The following MYO16 variants were observed in gnomAD, a reference collection of about 807,000 sequenced individuals.
MYO16 encodes myosin XVI.
Under a neutral mutation model 205.3 loss-of-function variants are expected in MYO16, and 94 were observed. The ratio of observed to expected loss-of-function variants is 0.46; its 90% CI spans 0.39 to 0.54. MYO16 has a LOEUF of 0.54. Among genes scored for constraint, MYO16 ranks in the 20% least tolerant of loss-of-function variants. MYO16 has a pLI of 0.00. For missense variants in MYO16, 2,315 were observed against 2,387.5 expected (o/e 0.97, Z 0.63); for synonymous variants, 988 against 954.0 (o/e 1.04, Z -0.66).
the MYO16 span, among the ~76,000 whole-genome samples, chr13:108,547,002 G>A: frequency 6.6e-6 from 1 of 152,096 alleles, no homozygotes; most frequent in Non-Finnish European, 1.5e-5. Context: ...GCCGGGTACG[G>A]TGGCTCACCC....
At chr13:108,664,987 T>C (rs930666177) in intron 1 of MYO16, among the ~76,000 whole-genome samples, 1 of 152,224 alleles carries the variant, frequency 6.6e-6, no homozygotes, top group African/African-American at 2.4e-5. Context: ...TCAGTCTTTA[T>C]ACTTAACCAC....
the MYO16 span, among the ~76,000 whole-genome samples, chr13:108,584,234 G>A: frequency 9.2e-5 from 14 of 152,330 alleles, no homozygotes; most frequent in Middle Eastern, 3.4e-3. Flanking sequence ...TTACAGGCAT[G>A]AGGCACCGCA....
chr13:108,500,711 G>C, the MYO16 span, among the ~76,000 whole-genome samples: 1 of 152,142 alleles, frequency 6.6e-6, no homozygotes, highest in Non-Finnish European at 1.5e-5. Flanking sequence ...TGCCCTGCCA[G>C]GGCTAAGGGA....
chr13:108,667,204 A>G (rs1277572836), intron 2 of MYO16, among the ~76,000 whole-genome samples: 2 of 152,126 alleles, frequency 1.3e-5, no homozygotes, highest in Admixed American at 6.5e-5. Flanking sequence ...AAGAAAACCT[A>G]TAGCACATTA....
At chr13:108,739,797 T>G (rs1017290371) in intron 4 of MYO16, among the ~76,000 whole-genome samples, 2 of 152,250 alleles carry the variant, frequency 1.3e-5, no homozygotes, top group Non-Finnish European at 2.9e-5. Flanking sequence ...TTTGGTCTTT[T>G]CACATAGTCC....
chr13:108,555,689 A>C, the MYO16 span, among the ~76,000 whole-genome samples: 3 of 152,320 alleles, frequency 2.0e-5, no homozygotes, highest in South Asian at 6.2e-4. Context: ...GATCTGTTGA[A>C]CATATTCTAT....
chr13:108,594,968 A>G (rs76299518), upstream of MYO16, among the ~76,000 whole-genome samples: 1,234 of 152,234 alleles, frequency 8.1e-3, 13 homozygotes, highest in African/African-American at 0.029. Context: ...AGTTATGGAT[A>G]ACTTTTGCTG....
intron 27 of MYO16, among the ~76,000 whole-genome samples, chr13:109,077,008 T>TTTGG (rs35770594): frequency 7.0e-6 from 1 of 143,366 alleles, no homozygotes; most frequent in Non-Finnish European, 1.5e-5. Context: ...TTTTTTTTTT[T>TTTGG]GGAGATGGAG....
At chr13:108,759,596 C>T (rs35036624) in intron 4 of MYO16, among the ~76,000 whole-genome samples, 18,349 of 151,956 alleles carry the variant, frequency 0.12, 1,195 homozygotes, top group Non-Finnish European at 0.16. Context: ...CCGAGGTGGG[C>T]GGATCACGAG....
chr13:109,025,524 A>T (rs1371825660), intron 23 of MYO16, among the ~76,000 whole-genome samples: 1 of 152,198 alleles, frequency 6.6e-6, no homozygotes, highest in Admixed American at 6.5e-5. Context: ...TCTGAATTAA[A>T]GAAGGCTTGT....
At chr13:109,129,702 A>G (rs1413613953) in intron 31 of MYO16, among the ~76,000 whole-genome samples, 1 of 152,196 alleles carries the variant, frequency 6.6e-6, no homozygotes, top group Non-Finnish European at 1.5e-5. Context: ...TTAAGACTCC[A>G]GATAGTACCA....
At chr13:109,076,028 A>G (rs1888089682) in intron 27 of MYO16, among the ~76,000 whole-genome samples, 1 of 152,090 alleles carries the variant, frequency 6.6e-6, no homozygotes, top group African/African-American at 2.4e-5. Context: ...GAATTGGTCT[A>G]TTTCATCTTA....
At chr13:109,193,865 T>C (rs1880034172) in intron 34 of MYO16, among the ~76,000 whole-genome samples, 1 of 152,218 alleles carries the variant, frequency 6.6e-6, no homozygotes, top group African/African-American at 2.4e-5. Context: ...TTTATAATAA[T>C]TATATACATG....
chr13:108,732,899 A>G (rs1200557019), intron 4 of MYO16, among the ~76,000 whole-genome samples: 2 of 152,134 alleles, frequency 1.3e-5, no homozygotes, highest in African/African-American at 4.8e-5. Flanking sequence ...TAGGGTGGAG[A>G]GAAAGGAGTC....
At chr13:109,015,428 T>A (rs919370423) in intron 22 of MYO16, among the ~76,000 whole-genome samples, 1 of 152,166 alleles carries the variant, frequency 6.6e-6, no homozygotes, top group African/African-American at 2.4e-5. Flanking sequence ...ATTGCCCTTT[T>A]TTGTTGTGTC....
At chr13:108,886,505 C>G in intron 13 of MYO16, 1 of 456,134 alleles carries the variant, frequency 2.2e-6, no homozygotes, top group South Asian at 1.5e-5. Context: ...AAGCTCTCAG[C>G]AGAGAGGGGT....
intron 27 of MYO16, among the ~76,000 whole-genome samples, chr13:109,082,612 A>T (rs1210864921): frequency 6.6e-6 from 1 of 152,128 alleles, no homozygotes; most frequent in East Asian, 1.9e-4. Context: ...AGGCGAGTGG[A>T]TCACTTGAGA....
the MYO16 span, among the ~76,000 whole-genome samples, chr13:108,510,380 G>T: frequency 6.8e-6 from 1 of 147,234 alleles, no homozygotes; most frequent in Non-Finnish European, 1.5e-5. Flanking sequence ...GCGTCCCAAA[G>T]TGCTGGGATT....
chr13:108,925,018 G>A (rs1881926332), intron 16 of MYO16, among the ~76,000 whole-genome samples: 1 of 152,006 alleles, frequency 6.6e-6, no homozygotes, highest in African/African-American at 2.4e-5. Flanking sequence ...GGAGTTCATG[G>A]GCCCATGTGT....
Sources: gnomAD v4.1 joint callset for allele counts (sites outside exome capture counted in the v4.1 genomes callset) on GRCh38, gnomAD v4.1.1 for gene constraint, MANE v1.5 for transcripts, NCBI Gene and HGNC (gene_info 2026-07-23, HGNC 2026-07-21) for gene names.